CADPS: variants seen among roughly 807,000 people sequenced by gnomAD.
CADPS encodes calcium dependent secretion activator.
CADPS carries 57 observed loss-of-function variants against 167.3 expected under a neutral mutation model. That is an observed-to-expected ratio of 0.34 (90% CI 0.28 to 0.42). The LOEUF (loss-of-function observed/expected upper bound fraction) is 0.42. Ranked by LOEUF, CADPS falls within the 20% of genes least tolerant of loss-of-function variation. The probability of loss-of-function intolerance (pLI) is 1.00; values close to 1 mark genes in which losing one functional copy is unlikely to be tolerated. For missense variants in CADPS, 1,414 were observed against 1,738.1 expected, an observed-to-expected ratio of 0.81 and a Z score of 3.32; for synonymous variants, 676 against 635.3, an observed-to-expected ratio of 1.06 and a Z score of -0.96.
At chr3:62,466,876 T>C (rs997290402) in intron 24 of CADPS, among the ~76,000 whole-genome samples, 1 of 152,184 alleles carries the variant, frequency 6.6e-6, no homozygotes, top group Admixed American at 6.5e-5. Flanking sequence ...AAAACTGTTC[T>C]GAAACCCTCA....
intron 27 of CADPS, 50 bp downstream of exon 27, chr3:62,445,715 A>AG: frequency 1.5e-6 from 2 of 1,324,024 alleles, no homozygotes; most frequent in Non-Finnish European, 2.1e-6. Flanking sequence ...TAAAAATGAA[A>AG]AAAAAAAAAA....
chr3:62,679,495 A>T (rs1297540017), intron 3 of CADPS, among the ~76,000 whole-genome samples: 4 of 151,918 alleles, frequency 2.6e-5, no homozygotes, highest in Admixed American at 2.6e-4. Context: ...GCTGATGAAG[A>T]TCTCCCTAAG....
At chr3:62,600,635 T>C (rs2059823200) in intron 6 of CADPS, among the ~76,000 whole-genome samples, 1 of 152,186 alleles carries the variant, frequency 6.6e-6, no homozygotes, top group Non-Finnish European at 1.5e-5. Flanking sequence ...ACTTCCTGAA[T>C]GTCTACTGTG....
At chr3:62,700,613 T>C (rs781768792) in intron 3 of CADPS, among the ~76,000 whole-genome samples, 59 of 152,260 alleles carry the variant, frequency 3.9e-4, no homozygotes, top group Non-Finnish European at 2.5e-4. Flanking sequence ...ACTCTAGAGC[T>C]GACACCCTAA....
At chr3:62,491,298 T>G in intron 21 of CADPS, 41 bp downstream of exon 21, 1 of 1,605,348 alleles carries the variant, frequency 6.2e-7, no homozygotes, top group Non-Finnish European at 8.5e-7. Flanking sequence ...CTCCAGCCAT[T>G]TGTACCCAAA....
At chr3:62,405,767 TAA>T (rs1708265117) in intron 28 of CADPS, among the ~76,000 whole-genome samples, 1 of 152,180 alleles carries the variant, frequency 6.6e-6, no homozygotes, top group Admixed American at 6.5e-5. Context: ...GCTACACATT[TAA>T]AGAGGCAAAA....
intron 10 of CADPS, among the ~76,000 whole-genome samples, chr3:62,554,922 T>C (rs2077874457): frequency 1.3e-5 from 2 of 152,082 alleles, no homozygotes; most frequent in Admixed American, 6.5e-5. Flanking sequence ...GCGGCTAATT[T>C]TTGTATTTTT....
chr3:62,681,081 C>T (rs2151029647), intron 3 of CADPS, among the ~76,000 whole-genome samples: 1 of 152,152 alleles, frequency 6.6e-6, no homozygotes, highest in South Asian at 2.1e-4. Context: ...TCTTTGCTGA[C>T]ACAGTTTTCT....
chr3:62,398,777 G>A lies in CADPS; in HGVS notation c.*629C>T, dbSNP rs777908819. 2.0e-5 allele frequency: 3 copies of A among 151,998 alleles called. No individual in the cohort carries two copies. Among genetic ancestry groups the A allele is most frequent in the Non-Finnish European group, 4.4e-5 (3 of 68,000 alleles). 9.4% of individuals were successfully genotyped at this position (151,998 alleles called of 1,614,324 possible). A position where few individuals can be genotyped will look rare whatever the true frequency, so the allele number is the denominator to read the frequency against. ...ATCGCCCCCTTGCCGTGGCAATTAA[G>A]AGAATCAATCCATTGGTATGTAGCC... On this transcript the variant is annotated 3_prime_UTR_variant, in exon 30 of 30. Transcript: ENST00000383710.
At chr3:62,828,570 T>C (rs1415399413) in intron 1 of CADPS, among the ~76,000 whole-genome samples, 3 of 152,164 alleles carry the variant, frequency 2.0e-5, no homozygotes, top group Non-Finnish European at 2.9e-5. Flanking sequence ...ACAAGGGTTA[T>C]GCCTAGGTTT....
intron 18 of CADPS, among the ~76,000 whole-genome samples, chr3:62,495,625 A>G (rs2151186249): frequency 6.6e-6 from 1 of 152,356 alleles, no homozygotes; most frequent in Admixed American, 6.5e-5. Flanking sequence ...TACATCAAAC[A>G]CACTGTATAT....
chr3:62,798,908 C>G (rs1484577136), intron 1 of CADPS, among the ~76,000 whole-genome samples: 3 of 152,120 alleles, frequency 2.0e-5, no homozygotes. Context: ...CTTAAAGCAA[C>G]AGAAGCTCCC....
chr3:62,722,410 G>T (rs1052056321), intron 3 of CADPS, among the ~76,000 whole-genome samples: 3 of 152,168 alleles, frequency 2.0e-5, no homozygotes, highest in African/African-American at 4.8e-5. Flanking sequence ...ACCCTCAAGT[G>T]GCTTCATAAA....
chr3:62,736,878 C>T (rs764528767), intron 3 of CADPS, among the ~76,000 whole-genome samples: 5 of 152,184 alleles, frequency 3.3e-5, no homozygotes, highest in Non-Finnish European at 5.9e-5. Flanking sequence ...GTGGCTCACG[C>T]CTGTAATCCC....
intron 3 of CADPS, among the ~76,000 whole-genome samples, chr3:62,734,396 CAT>C (rs1186515025): frequency 3.3e-5 from 5 of 152,166 alleles, no homozygotes; most frequent in Admixed American, 6.5e-5. Context: ...ACATTACAGA[CAT>C]AGAACATTTC....
intron 26 of CADPS, among the ~76,000 whole-genome samples, chr3:62,452,257 G>C (rs2058152312): frequency 6.6e-6 from 1 of 152,172 alleles, no homozygotes; most frequent in South Asian, 2.1e-4. Context: ...ATTTCTGCTG[G>C]AAAGTCAGGT....
chr3:62,403,013 T>C (rs1169065602), intron 29 of CADPS, 68 bp downstream of exon 29: 1 of 979,532 alleles, frequency 1.0e-6, no homozygotes, highest in Non-Finnish European at 1.6e-6. Context: ...AAGCAAGCTT[T>C]GCAGCTTGCC....
chr3:62,861,683 T>C (rs891793181), intron 1 of CADPS, among the ~76,000 whole-genome samples: 1 of 152,230 alleles, frequency 6.6e-6, no homozygotes, highest in Non-Finnish European at 1.5e-5. Context: ...CATGTCGTTG[T>C]CCTGCTCAGA....
chr3:62,732,653 C>T (rs568721747), intron 3 of CADPS, among the ~76,000 whole-genome samples: 2 of 152,224 alleles, frequency 1.3e-5, no homozygotes, highest in African/African-American at 2.4e-5. Context: ...ACCTCTTTTG[C>T]AATTTCCTGC....
Sources: allele counts gnomAD v4.1 joint callset (sites outside exome capture counted in the v4.1 genomes callset), GRCh38; gene constraint gnomAD v4.1.1; transcripts MANE v1.5; gene names NCBI Gene and HGNC (gene_info 2026-07-23, HGNC 2026-07-21).